The following CCDC32 variants were observed in gnomAD, a reference collection of about 807,000 sequenced individuals.
CCDC32 encodes the protein coiled-coil domain containing 32.
In CCDC32, 9 loss-of-function variants were observed where a neutral mutation model predicts 20.1. The ratio of observed to expected loss-of-function variants is 0.45; its 90% CI spans 0.27 to 0.78. The LOEUF is 0.78. CCDC32 is among the 30% of genes least tolerant of loss of function. The pLI, the probability that CCDC32 is intolerant of heterozygous loss-of-function variation, is 0.16. For synonymous variants in CCDC32, 63 were observed against 79.0 expected (o/e 0.80, Z 1.07); for missense variants, 204 against 215.5 (o/e 0.95, Z 0.33).
At chr15:40,563,987 A>AT (rs1340746623) in intron 1 of CCDC32, among the ~76,000 whole-genome samples, 3 of 151,460 alleles carry the variant, frequency 2.0e-5, no homozygotes, top group African/African-American at 7.3e-5. Context: ...CGCCCGGCTA[A>AT]TTTTTTGCAT....
intron 3 of CCDC32, among the ~76,000 whole-genome samples, chr15:40,543,271 G>A (rs967565002): frequency 6.6e-5 from 10 of 152,178 alleles, no homozygotes; most frequent in Non-Finnish European, 1.5e-5. Context: ...AGTCTGAGGT[G>A]TGACCAGCTG....
At chr15:40,550,537 A>G (rs1454025028), downstream of CCDC32, among the ~76,000 whole-genome samples, 1 of 152,172 alleles carries the variant, frequency 6.6e-6, no homozygotes, top group Non-Finnish European at 1.5e-5. Context: ...AGCACCCAAG[A>G]CTCTCAGTTT....
At chr15:40,525,806 G>T (rs1894893137), downstream of CCDC32, among the ~76,000 whole-genome samples, 2 of 152,214 alleles carry the variant, frequency 1.3e-5, no homozygotes. Context: ...TCTGGCCTGG[G>T]TTCTCCAAGC....
At position 40,553,783 on chromosome 15, in the gene CCDC32, T is replaced by G. The variant is rs1890028580; in HGVS notation, c.*188A>C. On this transcript the variant is annotated 3_prime_UTR_variant, in exon 4 of 4. Transcript: ENST00000416810. ...CACATGCCAGCCCCAGGTAAGTCCC[T>G]GGGGGCTTGCAGCTGTTTTCTTTGT... The G allele has an allele frequency of 7.2e-7, 1 of 1,396,648 alleles. No homozygotes were observed. Among genetic ancestry groups the G allele is most frequent in the Non-Finnish European group, 9.3e-7 (1 of 1,077,104 alleles). The allele number at this position is 1,396,648 out of a possible 1,614,324, so 86.5% of individuals were successfully genotyped here.
At chr15:40,526,937 A>C (rs956276796), downstream of CCDC32, among the ~76,000 whole-genome samples, 2 of 152,074 alleles carry the variant, frequency 1.3e-5, no homozygotes, top group Non-Finnish European at 2.9e-5. Context: ...AATATACTGA[A>C]TTTTTTATTT....
the CCDC32 span, among the ~76,000 whole-genome samples, chr15:40,522,522 C>T: frequency 6.6e-6 from 1 of 152,202 alleles, no homozygotes; most frequent in Non-Finnish European, 1.5e-5. Context: ...CTGTAGATTG[C>T]AATGAATCTG....
At chr15:40,549,561 A>G (rs754520101), downstream of CCDC32, among the ~76,000 whole-genome samples, 13 of 152,198 alleles carry the variant, frequency 8.5e-5, no homozygotes, top group Non-Finnish European at 1.6e-4. Flanking sequence ...CAACTTCCAC[A>G]GAATTAATGA....
At chr15:40,552,977 A>G (rs1889967743), downstream of CCDC32, 1 of 289,602 alleles carries the variant, frequency 3.5e-6, no homozygotes, top group Non-Finnish European at 5.1e-6. Flanking sequence ...GGCACATGCT[A>G]ATAACAGGAG....
intron 3 of CCDC32, among the ~76,000 whole-genome samples, chr15:40,541,333 AT>A (rs11337977): frequency 0.5 from 70,053 of 139,506 alleles, 17,385 homozygotes; most frequent in East Asian, 0.72. Flanking sequence ...GAGCTGTAAT[AT>A]TTTTTTTTTT....
At chr15:40,539,530 G>A (rs1889285793) in intron 3 of CCDC32, among the ~76,000 whole-genome samples, 1 of 152,016 alleles carries the variant, frequency 6.6e-6, no homozygotes. Context: ...GAAAAATAAA[G>A]CAAAGTGGAG....
chr15:40,550,099 C>T (rs1343618365), downstream of CCDC32, among the ~76,000 whole-genome samples: 1 of 152,180 alleles, frequency 6.6e-6, no homozygotes, highest in Non-Finnish European at 1.5e-5. Context: ...GTGATGAGCA[C>T]GTGTGTGTGC....
chr15:40,542,213 G>T (rs567792827), intron 3 of CCDC32, among the ~76,000 whole-genome samples: 18 of 152,208 alleles, frequency 1.2e-4, no homozygotes, highest in Non-Finnish European at 1.8e-4. Context: ...CTATTAGAAA[G>T]TTCTTAACAC....
chr15:40,531,292 T>C (rs1051211832), downstream of CCDC32: 4 of 151,174 alleles, frequency 2.6e-5, no homozygotes, highest in Non-Finnish European at 4.4e-5. Flanking sequence ...GTAACAAAAC[T>C]TCACCTATAC....
downstream of CCDC32, among the ~76,000 whole-genome samples, chr15:40,527,170 C>T (rs934674346): frequency 3.3e-5 from 5 of 151,420 alleles, no homozygotes. Context: ...AGGCTGGTCT[C>T]GAACTGCTTT....
chr15:40,556,893 G>T (rs1005538315), intron 3 of CCDC32: 1 of 190,236 alleles, frequency 5.3e-6, no homozygotes, highest in East Asian at 1.3e-4. Flanking sequence ...AAGAAGAGAT[G>T]AAGAGATAGT....
At chr15:40,551,250 T>C (rs545137903), downstream of CCDC32, among the ~76,000 whole-genome samples, 7 of 151,916 alleles carry the variant, frequency 4.6e-5, no homozygotes, top group South Asian at 2.1e-4. Flanking sequence ...GGCGTGGTGG[T>C]GGGCGCCTGT....
chr15:40,528,754 C>A, exon 4 of CCDC32: 2 of 701,536 alleles, frequency 2.9e-6, no homozygotes, highest in Non-Finnish European at 5.2e-6. Context: ...AGCTGGCCTG[C>A]CCAAAGCCCT....
chr15:40,531,553 T>C (rs889193197), downstream of CCDC32: 3 of 152,174 alleles, frequency 2.0e-5, no homozygotes, highest in African/African-American at 7.2e-5. Context: ...TTAGGTAAAT[T>C]AATCTTCATT....
intron 3 of CCDC32, among the ~76,000 whole-genome samples, chr15:40,543,333 G>A (rs751375327): frequency 2.0e-5 from 3 of 152,104 alleles, no homozygotes; most frequent in Non-Finnish European, 2.9e-5. Flanking sequence ...TCTGGAGGGC[G>A]GGCATGGAAA....
Sources: allele counts gnomAD v4.1 joint callset (sites outside exome capture counted in the v4.1 genomes callset), GRCh38; gene constraint gnomAD v4.1.1; transcripts MANE v1.5; gene names NCBI Gene and HGNC (gene_info 2026-07-23, HGNC 2026-07-21).